CLCN4: variants seen among roughly 807,000 people sequenced by gnomAD.
CLCN4 encodes Cl-/H+ antiporter 4.
CLCN4 carries 1 observed loss-of-function variant against 41.7 expected under a neutral mutation model. That is an observed-to-expected ratio of 0.02 (90% CI 0.01 to 0.11). The LOEUF is 0.11. Among genes scored for constraint, CLCN4 ranks in the 10% least tolerant of loss-of-function variants. The probability of loss-of-function intolerance (pLI) is 1.00; values close to 1 mark genes in which losing one functional copy is unlikely to be tolerated. For missense variants in CLCN4, 287 were observed against 661.0 expected, an observed-to-expected ratio of 0.43 and a Z score of 6.20; for synonymous variants, 277 against 285.8, an observed-to-expected ratio of 0.97 and a Z score of 0.31.
At position 10,214,010 on chromosome X, in the gene CLCN4, G is replaced by A. The variant is rs771033388; in HGVS notation, c.1906G>A (p.Val636Met). Residue 636 changes from valine to methionine, a missense_variant, in exon 11 of 13, where the codon GTG (valine) becomes ATG (methionine). Val to Met is a conservative substitution (Grantham distance 21). This residue lies in a region of CLCN4 where 71 missense variants were observed against 104.5 expected (regional missense o/e 0.68). Transcript: ENST00000380833. ...GGAGACCGACTACAACGGCTTCCCC[G>A]TGGTGGTCTCCAGAGACTCCGAGCG... is the stretch of plus-strand genomic sequence containing the variant. ...IKETDYNGFP[V>M]VVSRDSERLI... 8.3e-7 allele frequency: 1 copy of A among 1,208,752 alleles called. No individual in the cohort carries two copies. The highest frequency in any genetic ancestry group is 1.1e-6 in the Non-Finnish European group (1 of 893,997).
chrX:10,217,035 A>C (rs1924742058), intron 11 of CLCN4, among the ~76,000 whole-genome samples: 1 of 103,630 alleles, frequency 9.6e-6, no homozygotes, highest in African/African-American at 3.5e-5. Context: ...TCTTTGTACT[A>C]CTTCTGTGGT....
In CLCN4 at chrX:10,168,407, C is replaced by A. The variant is rs1923302709; in HGVS notation, c.-12+9856C>A. 3.6e-5 allele frequency among the ~76,000 whole-genome samples: 4 copies of A among 112,144 alleles called. No individual in the cohort carries two copies. The South Asian group carries it at 1.1e-3, about 31-fold the overall frequency. ...CACAGGGGATTTGCCAACTCCAGCG[C>A]CTTTGCTTTGTCAGGGCTTTCAGAC... is the stretch of plus-strand genomic sequence containing the variant. On this transcript the variant is annotated intron_variant, in intron 2 of 12. Coordinates refer to ENST00000380833, the MANE Select transcript of CLCN4 (RefSeq NM_001830.4).
chrX:10,206,052 C>A (rs774207809), intron 6 of CLCN4, among the ~76,000 whole-genome samples: 24 of 111,589 alleles, frequency 2.2e-4, no homozygotes, highest in Middle Eastern at 4.6e-3. Flanking sequence ...TGTCTCTTCT[C>A]AACATAACAA....
At chrX:10,216,015 G>A (rs1303932083) in intron 11 of CLCN4, among the ~76,000 whole-genome samples, 1 of 111,714 alleles carries the variant, frequency 9.0e-6, no homozygotes, top group Non-Finnish European at 1.9e-5. Flanking sequence ...CCTGTACTCT[G>A]GTGGAGAAAT....
intron 2 of CLCN4, among the ~76,000 whole-genome samples, chrX:10,180,130 C>A (rs1923636416): frequency 8.9e-6 from 1 of 112,228 alleles, no homozygotes; most frequent in South Asian, 3.7e-4. Flanking sequence ...TTATCAAGGG[C>A]ATGATGATGG....
chrX:10,227,374 A>G (rs1480653996), intron 12 of CLCN4, among the ~76,000 whole-genome samples: 1 of 111,615 alleles, frequency 9.0e-6, no homozygotes, highest in Non-Finnish European at 1.9e-5. Flanking sequence ...AAAACTCTCA[A>G]TAAACTAGGT....
chrX:10,220,956 G>A, intron 12 of CLCN4, 79 bp downstream of exon 12: 1 of 824,815 alleles, frequency 1.2e-6, no homozygotes, highest in South Asian at 2.2e-5. Context: ...TGAAGAATGT[G>A]GAGGGCCATG....
At chrX:10,183,402 C>T (rs906458592) in intron 2 of CLCN4, among the ~76,000 whole-genome samples, 27 of 111,906 alleles carry the variant, frequency 2.4e-4, no homozygotes, top group African/African-American at 8.5e-4. Context: ...TTCATTGGGT[C>T]GTGGTTGAGT....
chrX:10,175,943 TCC>T (rs1350360871), intron 2 of CLCN4, among the ~76,000 whole-genome samples: 5 of 59,115 alleles, frequency 8.5e-5, no homozygotes, highest in African/African-American at 1.5e-4. Flanking sequence ...TCCCTCCCTC[TCC>T]CTCTCTCTCT....
intron 12 of CLCN4, among the ~76,000 whole-genome samples, chrX:10,229,900 G>A (rs1925084492): frequency 8.9e-6 from 1 of 111,755 alleles, no homozygotes; most frequent in African/African-American, 3.3e-5. Flanking sequence ...ATTCCTTTGG[G>A]TATGGAACAC....
chrX:10,218,998 T>C (rs952514553), intron 11 of CLCN4, among the ~76,000 whole-genome samples: 2 of 112,743 alleles, frequency 1.8e-5, no homozygotes, highest in African/African-American at 6.5e-5. Flanking sequence ...TTGGCAAATA[T>C]CTGTTTTGTG....
rs143162349 is a variant in CLCN4 at position 10,191,273 on chromosome X, A to G, written c.245-3638A>G. Among the ~76,000 whole-genome samples, 70 of 112,538 alleles carry G rather than the reference A, an allele frequency of 6.2e-4. 1 individual carries two copies. The highest frequency in any genetic ancestry group is 5.3e-3 in the Admixed American group (57 of 10,655). ...TTGCCTATTCTGGGCATTTCATATA[A>G]ATGGAATCATACAATATGTGGTCTT... On this transcript the variant is annotated intron_variant, in intron 4 of 12. Transcript: ENST00000380833.
At chrX:10,163,568 G>A (rs1695680313) in intron 2 of CLCN4, among the ~76,000 whole-genome samples, 1 of 110,057 alleles carries the variant, frequency 9.1e-6, no homozygotes, top group Admixed American at 9.7e-5. Flanking sequence ...CACCACGCCT[G>A]GCTAATTTTT....
intron 2 of CLCN4, among the ~76,000 whole-genome samples, chrX:10,161,126 T>TCG (rs1232078758): frequency 4.0e-5 from 2 of 49,912 alleles, no homozygotes; most frequent in East Asian, 3.9e-4. Flanking sequence ...ATCAGCTTGC[T>TCG]CTCTCTCTCT....
chrX:10,170,478 G>T (rs2147159994), intron 2 of CLCN4, among the ~76,000 whole-genome samples: 2 of 111,990 alleles, frequency 1.8e-5, no homozygotes, highest in South Asian at 7.5e-4. Context: ...AAACACAATG[G>T]CAAGGATGCA....
intron 6 of CLCN4, among the ~76,000 whole-genome samples, chrX:10,205,202 G>A (rs767402604): frequency 2.2e-4 from 25 of 111,539 alleles, no homozygotes; most frequent in Middle Eastern, 4.6e-3. Flanking sequence ...GGCCAGTTGC[G>A]GTGGCTCATG....
At chrX:10,178,088 G>T (rs1455357818) in intron 2 of CLCN4, among the ~76,000 whole-genome samples, 2 of 110,562 alleles carry the variant, frequency 1.8e-5, no homozygotes, top group African/African-American at 6.6e-5. Flanking sequence ...GAAATGTCCA[G>T]AATAGGCAAA....
In CLCN4 at chrX:10,234,228, A is replaced by G. The variant is rs745906073; in HGVS notation, c.*644A>G. The G allele has an allele frequency of 1.8e-5, 2 of 112,739 alleles. No individual in the cohort carries two copies. The highest frequency in any genetic ancestry group is 6.5e-5 in the African/African-American group (2 of 30,885). The allele number at this position is 112,739 out of a possible 1,213,427, so 9.3% of individuals were successfully genotyped here. Reference sequence around the variant, plus strand: ...TGAACCAACATCAGGGGCACCTGCCATGATGAGTGTGAAGAAATCATTTCT... The same window carrying G: ...TGAACCAACATCAGGGGCACCTGCCGTGATGAGTGTGAAGAAATCATTTCT... On this transcript the variant is annotated 3_prime_UTR_variant, in exon 13 of 13. Transcript: ENST00000380833.
chrX:10,224,293 C>CATGTGT (rs1555978482), intron 12 of CLCN4, among the ~76,000 whole-genome samples: 2 of 87,904 alleles, frequency 2.3e-5, no homozygotes, highest in Non-Finnish European at 4.4e-5. Flanking sequence ...GGGAGGGTTC[C>CATGTGT]GTGTGTGTGT....
Sources: gnomAD v4.1 joint callset for allele counts (sites outside exome capture counted in the v4.1 genomes callset) on GRCh38, gnomAD v4.1.1 for gene constraint, gnomAD v4.1.1 regional missense constraint, MANE v1.5 for transcripts, NCBI Gene and HGNC (gene_info 2026-07-23, HGNC 2026-07-21) for gene names.